The following FUT8 variants were observed in gnomAD, a reference collection of about 807,000 sequenced individuals.
FUT8 encodes alpha-(1,6)-fucosyltransferase.
FUT8 carries 29 observed loss-of-function variants against 71.3 expected under a neutral mutation model. That is an observed-to-expected ratio of 0.41 (90% CI 0.30 to 0.55). The LOEUF (loss-of-function observed/expected upper bound fraction) is 0.55. Ranked by LOEUF, FUT8 falls within the 20% of genes least tolerant of loss-of-function variation. The pLI is 0.34. For synonymous variants in FUT8, 254 were observed against 239.3 expected (o/e 1.06, Z -0.57); for missense variants, 544 against 702.1 (o/e 0.77, Z 2.55).
intron 1 of FUT8, among the ~76,000 whole-genome samples, chr14:65,436,615 C>T (rs1345152049): frequency 3.0e-5 from 4 of 131,700 alleles, no homozygotes; most frequent in African/African-American, 5.8e-5. Context: ...GGCGACAGAG[C>T]GAGACTCCCT....
intron 3 of FUT8, among the ~76,000 whole-genome samples, chr14:65,566,702 A>G (rs1886214102): frequency 6.6e-6 from 1 of 151,942 alleles, no homozygotes; most frequent in Non-Finnish European, 1.5e-5. Context: ...GTTGACTTTG[A>G]TGCTTAGGTT....
At chr14:65,575,198 A>G (rs1886690280) in intron 3 of FUT8, among the ~76,000 whole-genome samples, 1 of 152,002 alleles carries the variant, frequency 6.6e-6, no homozygotes, top group Non-Finnish European at 1.5e-5. Context: ...ACCATTACTT[A>G]AAAATCATTT....
intron 9 of FUT8, among the ~76,000 whole-genome samples, chr14:65,730,681 A>AC (rs1433642817): frequency 1.3e-5 from 2 of 152,126 alleles, no homozygotes; most frequent in Non-Finnish European, 2.9e-5. Context: ...CAAAAAAAAA[A>AC]ATTGAGTTCA....
chr14:65,542,400 ATAT>A (rs1374441725), intron 2 of FUT8, among the ~76,000 whole-genome samples: 1 of 152,184 alleles, frequency 6.6e-6, no homozygotes, highest in Non-Finnish European at 1.5e-5. Flanking sequence ...TTCACCTAAC[ATAT>A]TATGTGTATT....
chr14:65,527,882 A>T (rs773495645), intron 2 of FUT8, among the ~76,000 whole-genome samples: 1 of 152,162 alleles, frequency 6.6e-6, no homozygotes, highest in Admixed American at 6.5e-5. Context: ...TGAACAGCAG[A>T]TGTTGCTGCC....
chr14:65,520,708 CT>C (rs1399011129), intron 2 of FUT8, among the ~76,000 whole-genome samples: 20 of 151,966 alleles, frequency 1.3e-4, no homozygotes, highest in African/African-American at 1.4e-4. Flanking sequence ...GTCTATGGTT[CT>C]GTTTAGTAAC....
intron 2 of FUT8, among the ~76,000 whole-genome samples, chr14:65,551,419 G>A (rs1566817219): frequency 6.6e-6 from 1 of 152,074 alleles, no homozygotes; most frequent in Non-Finnish European, 1.5e-5. Flanking sequence ...TTAGTCAAAG[G>A]GTACAGAGTT....
chr14:65,645,996 C>G (rs1891107614), intron 6 of FUT8: 1 of 152,158 alleles, frequency 6.6e-6, no homozygotes. Context: ...TATTTGCTAC[C>G]CAACACTAAT....
At chr14:65,560,501 T>C (rs1885860258) in intron 2 of FUT8, among the ~76,000 whole-genome samples, 1 of 152,248 alleles carries the variant, frequency 6.6e-6, no homozygotes, top group African/African-American at 2.4e-5. Flanking sequence ...TTTTAAATTA[T>C]ATTTTTGCCT....
chr14:65,537,164 GCTT>G (rs1884373078), intron 2 of FUT8, among the ~76,000 whole-genome samples: 1 of 151,162 alleles, frequency 6.6e-6, no homozygotes, highest in South Asian at 2.1e-4. Flanking sequence ...ATTTTATTGT[GCTT>G]CTTAGCTTGC....
chr14:65,438,268 G>GTT (rs35453409), intron 1 of FUT8, among the ~76,000 whole-genome samples: 15 of 150,032 alleles, frequency 1.0e-4, no homozygotes, highest in African/African-American at 2.9e-4. Flanking sequence ...AAATTAGGCA[G>GTT]TTTTTTTTTT....
chr14:65,366,451 G>GT, the FUT8 span, among the ~76,000 whole-genome samples: 4 of 152,102 alleles, frequency 2.6e-5, no homozygotes, highest in East Asian at 5.8e-4. Context: ...TTGTTTGCTT[G>GT]TTTTTTGGCG....
chr14:65,726,933 C>CT (rs1181317611), intron 9 of FUT8, among the ~76,000 whole-genome samples: 2 of 152,168 alleles, frequency 1.3e-5, no homozygotes, highest in African/African-American at 4.8e-5. Context: ...AACAAAGGGG[C>CT]TACAGGCCCC....
intron 1 of FUT8, among the ~76,000 whole-genome samples, chr14:65,427,208 C>A (rs181071485): frequency 1.1e-4 from 16 of 152,242 alleles, no homozygotes; most frequent in Admixed American, 2.6e-4. Context: ...TGGACGCTTA[C>A]GTTGACTCCA....
intron 6 of FUT8, among the ~76,000 whole-genome samples, chr14:65,667,152 C>T (rs1006005759): frequency 6.6e-6 from 1 of 151,928 alleles, no homozygotes; most frequent in Non-Finnish European, 1.5e-5. Flanking sequence ...CAACATAGTT[C>T]TAAAAGTCCT....
At chr14:65,694,732 T>C (rs1310572118) in intron 7 of FUT8, among the ~76,000 whole-genome samples, 2 of 152,046 alleles carry the variant, frequency 1.3e-5, no homozygotes, top group Non-Finnish European at 2.9e-5. Flanking sequence ...GATGAGTTCA[T>C]GTCCTTTGTA....
At chr14:65,491,296 A>G (rs919442670) in intron 2 of FUT8, among the ~76,000 whole-genome samples, 1 of 152,168 alleles carries the variant, frequency 6.6e-6, no homozygotes, top group African/African-American at 2.4e-5. Flanking sequence ...AGTGCAGTGA[A>G]TTGTCATTAA....
At chr14:65,677,689 T>A (rs934868022) in intron 7 of FUT8, among the ~76,000 whole-genome samples, 4 of 152,042 alleles carry the variant, frequency 2.6e-5, no homozygotes, top group African/African-American at 9.7e-5. Flanking sequence ...TTAAAAAAAA[T>A]GGATCAGTAC....
intron 2 of FUT8, among the ~76,000 whole-genome samples, chr14:65,547,658 G>T (rs1013994665): frequency 6.6e-6 from 1 of 151,528 alleles, no homozygotes; most frequent in African/African-American, 2.4e-5. Context: ...GTATCAGCTG[G>T]CAACAAGTTC....
Sources: gnomAD v4.1 joint callset for allele counts (sites outside exome capture counted in the v4.1 genomes callset) on GRCh38, gnomAD v4.1.1 for gene constraint, MANE v1.5 for transcripts, NCBI Gene and HGNC (gene_info 2026-07-23, HGNC 2026-07-21) for gene names.